Variants in PPP2R2A observed in about 807,000 individuals in gnomAD.
PPP2R2A encodes serine/threonine-protein phosphatase 2A 55 kDa regulatory subunit B alpha isoform.
A neutral mutation model predicts 53.2 loss-of-function variants in PPP2R2A; 9 were observed. The ratio of observed to expected loss-of-function variants is 0.17; its 90% CI spans 0.10 to 0.30. The LOEUF (loss-of-function observed/expected upper bound fraction) is 0.30, where lower values mean the gene tolerates loss of function less well. PPP2R2A is among the 10% of genes least tolerant of loss of function. PPP2R2A has a pLI of 1.00. For synonymous variants in PPP2R2A, 169 were observed against 174.2 expected, an observed-to-expected ratio of 0.97 and a Z score of 0.23; for missense variants, 235 against 534.6, an observed-to-expected ratio of 0.44 and a Z score of 5.53.
intron 3 of PPP2R2A, among the ~76,000 whole-genome samples, chr8:26,350,254 A>T (rs531926285): frequency 7.2e-5 from 11 of 151,818 alleles, no homozygotes; most frequent in Non-Finnish European, 1.6e-4. Context: ...TGGTAGAGAG[A>T]GAGTTTCACT....
At chr8:26,319,968 G>A (rs114615720) in intron 2 of PPP2R2A, among the ~76,000 whole-genome samples, 39 of 152,194 alleles carry the variant, frequency 2.6e-4, no homozygotes, top group Middle Eastern at 3.4e-3. Flanking sequence ...TTGTTCATTG[G>A]TAGTGTGTAG....
chr8:26,347,941 T>C (rs1345411169), intron 3 of PPP2R2A, among the ~76,000 whole-genome samples: 3 of 152,222 alleles, frequency 2.0e-5, no homozygotes, highest in Non-Finnish European at 2.9e-5. Context: ...TTTGCTTTAT[T>C]CTAGAAAGTT....
chr8:26,369,139 ACAC>A (rs1168832644), intron 9 of PPP2R2A, among the ~76,000 whole-genome samples: 2 of 151,908 alleles, frequency 1.3e-5, no homozygotes, highest in East Asian at 3.9e-4. Context: ...ACACACACAC[ACAC>A]ATTATGTACC....
chr8:26,348,054 T>C (rs1375186675), intron 3 of PPP2R2A, among the ~76,000 whole-genome samples: 1 of 152,196 alleles, frequency 6.6e-6, no homozygotes, highest in African/African-American at 2.4e-5. Flanking sequence ...CACAAGACAC[T>C]GACTCTTTTA....
At chr8:26,359,831 C>T (rs1419636600) in intron 4 of PPP2R2A, among the ~76,000 whole-genome samples, 1 of 152,140 alleles carries the variant, frequency 6.6e-6, no homozygotes, top group African/African-American at 2.4e-5. Context: ...TATATGTTTA[C>T]ATGTAGGTAC....
intron 3 of PPP2R2A, among the ~76,000 whole-genome samples, chr8:26,340,193 A>T (rs1803871831): frequency 6.6e-6 from 1 of 152,048 alleles, no homozygotes; most frequent in Non-Finnish European, 1.5e-5. Flanking sequence ...TGACATACTT[A>T]GAGTTGACAT....
chr8:26,361,805 C>T (rs1297804995), intron 6 of PPP2R2A, among the ~76,000 whole-genome samples: 1 of 151,722 alleles, frequency 6.6e-6, no homozygotes, highest in Non-Finnish European at 1.5e-5. Flanking sequence ...CCTAAAAATA[C>T]AAAACATTAG....
At chr8:26,314,627 T>C (rs1802450151) in intron 2 of PPP2R2A, among the ~76,000 whole-genome samples, 1 of 152,348 alleles carries the variant, frequency 6.6e-6, no homozygotes, top group South Asian at 2.1e-4. Context: ...CATTTTCCGT[T>C]AGAATTTGGG....
intron 2 of PPP2R2A, among the ~76,000 whole-genome samples, chr8:26,312,083 C>G (rs1262709974): frequency 6.6e-6 from 1 of 152,200 alleles, no homozygotes; most frequent in Non-Finnish European, 1.5e-5. Context: ...GTATGATGAT[C>G]TGAATCTTTT....
At chr8:26,303,737 C>T (rs1172880397) in intron 2 of PPP2R2A, among the ~76,000 whole-genome samples, 1 of 152,044 alleles carries the variant, frequency 6.6e-6, no homozygotes, top group Non-Finnish European at 1.5e-5. Context: ...CAGGTTTAAA[C>T]ACTGAATGTA....
intron 2 of PPP2R2A, among the ~76,000 whole-genome samples, chr8:26,330,310 T>A (rs1196809829): frequency 7.0e-6 from 1 of 142,244 alleles, no homozygotes; most frequent in Non-Finnish European, 1.6e-5. Context: ...CTTTTTTCTT[T>A]TTTTTTTTTT....
chr8:26,296,532 A>C (rs1369547450), intron 2 of PPP2R2A, among the ~76,000 whole-genome samples: 1 of 152,230 alleles, frequency 6.6e-6, no homozygotes, highest in Non-Finnish European at 1.5e-5. Context: ...CTCTTTTGGA[A>C]ATAACCTATT....
chr8:26,352,881 G>A (rs1276658596), intron 3 of PPP2R2A, among the ~76,000 whole-genome samples: 1 of 152,094 alleles, frequency 6.6e-6, no homozygotes, highest in Admixed American at 6.5e-5. Flanking sequence ...TTTCTACTTT[G>A]ACTAAAGTTT....
Position 26,303,866 on chromosome 8 carries a change from G to GC in PPP2R2A, c.82+10127dup, listed in dbSNP as rs1294127387. ...GCTCTTGGCATATGTGGAATCCTTG[G>GC]CAAGTCGTTGAATACTTCTATATAC... On this transcript the variant is annotated intron_variant, in intron 2 of 9. Coordinates refer to ENST00000380737, the MANE Select transcript of PPP2R2A (RefSeq NM_002717.4). 1.1e-4 allele frequency among the ~76,000 whole-genome samples: 16 copies of GC among 152,272 alleles called. No individual in the cohort carries two copies. In the South Asian group the frequency reaches 2.7e-3, roughly 26 times the overall value.
Position 26,370,386 on chromosome 8 carries a change from G to A in PPP2R2A, c.1317G>A (p.Leu439=). 1 of 1,614,174 alleles carries A rather than the reference G, an allele frequency of 6.2e-7. No homozygotes were observed. Among genetic ancestry groups the A allele is most frequent in the Non-Finnish European group, 8.5e-7 (1 of 1,180,032 alleles). The change falls in exon 10 of 10, where the codon CTG becomes CTA. Residue 439 remains leucine (L), a synonymous_variant. Coordinates refer to ENST00000380737, the MANE Select transcript of PPP2R2A (RefSeq NM_002717.4). This position sits in a 1 kb window ranked among gnomAD's most constrained non-coding sequence, Gnocchi z 6.1. ...NIIAVATTNN[L]YIFQDKVN is the part of the protein sequence containing the mutation. Reference sequence around the variant, plus strand: ...TTGCCGTAGCTACTACAAACAATCTGTATATATTTCAAGACAAAGTGAATT... The same window carrying A: ...TTGCCGTAGCTACTACAAACAATCTATATATATTTCAAGACAAAGTGAATT...
intron 1 of PPP2R2A, chr8:26,293,020 A>G (rs544885729): frequency 4.6e-6 from 2 of 435,246 alleles, no homozygotes; most frequent in Admixed American, 8.2e-5. Context: ...GACATTAGCA[A>G]AATGAATTCT....
chr8:26,332,322 C>T lies in PPP2R2A; in HGVS notation c.83-6568C>T, dbSNP rs1427279214. ...GTTGCAGTGAGCTGAGATCATGCCA[C>T]TGCACTCCAGCCTGGGTGACAGAGC... On this transcript the variant is annotated intron_variant, in intron 2 of 9. Coordinates refer to ENST00000380737, the MANE Select transcript of PPP2R2A (RefSeq NM_002717.4). 2.7e-5 allele frequency among the ~76,000 whole-genome samples: 4 copies of T among 148,160 alleles called. No individual in the cohort carries two copies. In the Admixed American group the frequency reaches 2.7e-4, roughly 10 times the overall value.
At chr8:26,366,634 TTTC>T (rs1272453247) in intron 9 of PPP2R2A, among the ~76,000 whole-genome samples, 10 of 152,202 alleles carry the variant, frequency 6.6e-5, no homozygotes, top group African/African-American at 2.4e-4. Context: ...TAGAATTTTT[TTTC>T]TTTTATGAAC....
chr8:26,313,824 C>T (rs1255859539), intron 2 of PPP2R2A, among the ~76,000 whole-genome samples: 1 of 152,156 alleles, frequency 6.6e-6, no homozygotes, highest in Non-Finnish European at 1.5e-5. Flanking sequence ...TAGAAGGAAC[C>T]AGCCCAGCTG....
Sources: allele counts gnomAD v4.1 joint callset (sites outside exome capture counted in the v4.1 genomes callset), GRCh38; gene constraint gnomAD v4.1.1; non-coding constraint Gnocchi (gnomAD v3.1); transcripts MANE v1.5; gene names NCBI Gene and HGNC (gene_info 2026-07-23, HGNC 2026-07-21).